SLC35F4: variants seen among roughly 807,000 people sequenced by gnomAD.
SLC35F4 encodes solute carrier family 35 member F4.
A neutral mutation model predicts 44.2 loss-of-function variants in SLC35F4; 24 were observed. That is an observed-to-expected ratio of 0.54 (90% CI 0.39 to 0.76). The LOEUF (loss-of-function observed/expected upper bound fraction) is 0.76. Ranked by LOEUF, SLC35F4 falls within the 30% of genes least tolerant of loss-of-function variation. SLC35F4 has a pLI of 0.00. For missense variants in SLC35F4, 562 were observed against 586.1 expected, an observed-to-expected ratio of 0.96 and a Z score of 0.42; for synonymous variants, 238 against 223.6, an observed-to-expected ratio of 1.06 and a Z score of -0.57.
intron 1 of SLC35F4, among the ~76,000 whole-genome samples, chr14:57,964,475 A>G (rs1293218818): frequency 1.3e-5 from 2 of 152,342 alleles, no homozygotes; most frequent in East Asian, 3.9e-4. Context: ...AAATGCTTCA[A>G]AGTCTAAAAA....
intron 1 of SLC35F4, among the ~76,000 whole-genome samples, chr14:57,714,811 G>A (rs1213041828): frequency 8.5e-6 from 1 of 117,760 alleles, no homozygotes; most frequent in Non-Finnish European, 1.8e-5. Flanking sequence ...CCCAGAAGAG[G>A]ACGATCTACA....
At chr14:57,617,965 T>C (rs2071946358) in intron 1 of SLC35F4, among the ~76,000 whole-genome samples, 1 of 152,208 alleles carries the variant, frequency 6.6e-6, no homozygotes, top group South Asian at 2.1e-4. Context: ...AAAGATGCCA[T>C]CTAAATCTAG....
intron 1 of SLC35F4, among the ~76,000 whole-genome samples, chr14:57,768,061 T>C (rs543906921): frequency 1.3e-5 from 2 of 152,338 alleles, no homozygotes; most frequent in Admixed American, 6.5e-5. Context: ...TGGAGAATTC[T>C]AGATGTTTTA....
chr14:57,865,641 C>T (rs909130096), intron 1 of SLC35F4, 82 bp downstream of exon 1: 3 of 1,207,382 alleles, frequency 2.5e-6, no homozygotes, highest in Non-Finnish European at 3.4e-6. Context: ...TACCGCGCGC[C>T]CGCCCGTCCG....
intron 1 of SLC35F4, among the ~76,000 whole-genome samples, chr14:57,832,416 A>G (rs994223287): frequency 5.3e-5 from 8 of 152,226 alleles, no homozygotes; most frequent in Admixed American, 5.2e-4. Context: ...TGTAGGATGA[A>G]CAAGCCTAGA....
chr14:57,707,223 A>G (rs1172874323), intron 1 of SLC35F4, among the ~76,000 whole-genome samples: 1 of 152,210 alleles, frequency 6.6e-6, no homozygotes, highest in Non-Finnish European at 1.5e-5. Flanking sequence ...GACACAGAAT[A>G]AAGACAGAGC....
chr14:57,614,547 G>T lies in SLC35F4; in HGVS notation c.104-20423C>A, dbSNP rs192609659. 5.3e-5 allele frequency among the ~76,000 whole-genome samples: 8 copies of T among 152,348 alleles called. No homozygotes were observed. In the East Asian group the frequency reaches 1.2e-3, roughly 22 times the overall value. ...CAAAGAATAAGAAACAGACAAAAAG[G>T]ATGAACAAATGACAGAATTTTTAAT... On this transcript the variant is annotated intron_variant, in intron 1 of 7. Transcript: ENST00000556826.
chr14:57,656,591 A>G (rs1325175358), intron 1 of SLC35F4, among the ~76,000 whole-genome samples: 1 of 152,012 alleles, frequency 6.6e-6, no homozygotes, highest in African/African-American at 2.4e-5. Flanking sequence ...TTCTTTAGCT[A>G]AAGGATGTAG....
intron 3 of SLC35F4, among the ~76,000 whole-genome samples, chr14:57,588,922 T>C (rs1360237057): frequency 6.6e-6 from 1 of 152,216 alleles, no homozygotes; most frequent in Non-Finnish European, 1.5e-5. Context: ...ATTCAACCTT[T>C]CTGAATTTGT....
At chr14:57,943,625 G>A (rs1351723315) in intron 1 of SLC35F4, among the ~76,000 whole-genome samples, 4 of 152,086 alleles carry the variant, frequency 2.6e-5, no homozygotes, top group Non-Finnish European at 5.9e-5. Context: ...ACCAATCTGC[G>A]ACTTCCCACC....
At chr14:57,589,136 T>C in intron 3 of SLC35F4, 80 bp downstream of exon 3, 2 of 1,467,298 alleles carry the variant, frequency 1.4e-6, no homozygotes, top group South Asian at 2.8e-5. Context: ...ACTCAACTCA[T>C]ATTCCCAAGA....
At chr14:57,942,178 G>T (rs1270673604) in intron 1 of SLC35F4, among the ~76,000 whole-genome samples, 2 of 152,174 alleles carry the variant, frequency 1.3e-5, no homozygotes, top group South Asian at 2.1e-4. Flanking sequence ...TTGCCGCAAA[G>T]CTTTCATCTT....
intron 1 of SLC35F4, among the ~76,000 whole-genome samples, chr14:57,724,528 A>T (rs970262205): frequency 6.6e-6 from 1 of 152,212 alleles, no homozygotes; most frequent in African/African-American, 2.4e-5. Flanking sequence ...GCACAGCAGC[A>T]TTCCATCATC....
At chr14:57,699,560 G>T (rs1338424280) in intron 1 of SLC35F4, among the ~76,000 whole-genome samples, 1 of 152,138 alleles carries the variant, frequency 6.6e-6, no homozygotes, top group Admixed American at 6.6e-5. Flanking sequence ...GCAGCATGAG[G>T]CTTTCTTCTT....
chr14:57,763,587 G>T (rs1157738975), intron 1 of SLC35F4, among the ~76,000 whole-genome samples: 1 of 152,068 alleles, frequency 6.6e-6, no homozygotes, highest in Non-Finnish European at 1.5e-5. Context: ...AAATGACTTG[G>T]TGCCTAGAAA....
At chr14:57,598,198 C>A (rs1407428299) in intron 1 of SLC35F4, among the ~76,000 whole-genome samples, 5 of 152,164 alleles carry the variant, frequency 3.3e-5, no homozygotes, top group Admixed American at 3.3e-4. Context: ...CTGCTGCTTA[C>A]CTTTCTCTGC....
At chr14:57,687,293 A>G (rs966733517) in intron 1 of SLC35F4, among the ~76,000 whole-genome samples, 4 of 152,178 alleles carry the variant, frequency 2.6e-5, no homozygotes, top group Admixed American at 6.6e-5. Flanking sequence ...ACTCATAACC[A>G]TATACAGGAA....
intron 1 of SLC35F4, chr14:57,976,998 G>C (rs1013411522): frequency 9.2e-5 from 14 of 152,146 alleles, no homozygotes; most frequent in African/African-American, 3.4e-4. Context: ...GCCTCAGTAA[G>C]ACATATATGT....
chr14:57,876,592 A>G (rs1888404312), intron 1 of SLC35F4, among the ~76,000 whole-genome samples: 1 of 152,218 alleles, frequency 6.6e-6, no homozygotes, highest in Admixed American at 6.5e-5. Flanking sequence ...ACTTCTTATA[A>G]AAACAAAAAC....
Sources: gnomAD v4.1 joint callset for allele counts (sites outside exome capture counted in the v4.1 genomes callset) on GRCh38, gnomAD v4.1.1 for gene constraint, MANE v1.5 for transcripts, NCBI Gene and HGNC (gene_info 2026-07-23, HGNC 2026-07-21) for gene names.